Variants in RYR2 observed in about 807,000 individuals in gnomAD.
RYR2 encodes cardiac muscle ryanodine receptor-calcium release channel.
RYR2 carries 227 observed loss-of-function variants against 601.1 expected under a neutral mutation model. The ratio of observed to expected loss-of-function variants is 0.38; its 90% CI spans 0.34 to 0.42. RYR2 has a LOEUF of 0.42. Ranked by LOEUF, RYR2 falls within the 10% of genes least tolerant of loss-of-function variation. The pLI, the probability that RYR2 is intolerant of heterozygous loss-of-function variation, is 1.00. For synonymous variants in RYR2, 2,223 were observed against 2,175.1 expected, an observed-to-expected ratio of 1.02 and a Z score of -0.61; for missense variants, 4,646 against 6,156.5, an observed-to-expected ratio of 0.75 and a Z score of 8.21.
At chr1:237,801,735 C>T (rs2790346) in intron 97 of RYR2, 121 bp from the exon 98 acceptor site, 2 of 532,362 alleles carry the variant, frequency 3.8e-6, no homozygotes, top group South Asian at 6.7e-5. Context: ...GGATAGAACT[C>T]GTTTCCCAAG....
intron 25 of RYR2, among the ~76,000 whole-genome samples, chr1:237,541,698 T>G (rs572677547): frequency 3.6e-4 from 54 of 152,094 alleles, no homozygotes; most frequent in African/African-American, 1.2e-3. Flanking sequence ...ATAAGGGTGG[T>G]GCCATTTTAT....
At chr1:237,442,579 C>A (rs1465166796) in intron 13 of RYR2, among the ~76,000 whole-genome samples, 2 of 152,104 alleles carry the variant, frequency 1.3e-5, no homozygotes, top group African/African-American at 4.8e-5. Context: ...AATATCTTTT[C>A]TAGTTGATTA....
At chr1:237,084,130 G>A (rs887685101) in intron 1 of RYR2, among the ~76,000 whole-genome samples, 2 of 152,050 alleles carry the variant, frequency 1.3e-5, no homozygotes, top group Non-Finnish European at 2.9e-5. Context: ...TCTCCTCTTT[G>A]AAGATCTAAT....
chr1:237,655,485 T>C (rs1361107625), intron 52 of RYR2, among the ~76,000 whole-genome samples: 1 of 152,204 alleles, frequency 6.6e-6, no homozygotes, highest in East Asian at 1.9e-4. Flanking sequence ...TAACTAACTA[T>C]AAGGAATGTA....
chr1:237,814,955 TTTC>T (rs1239564735), intron 100 of RYR2, among the ~76,000 whole-genome samples: 1 of 138,810 alleles, frequency 7.2e-6, no homozygotes, highest in Non-Finnish European at 1.5e-5. Flanking sequence ...CTGCTCCTTT[TTTC>T]TTTTTTCTTT....
chr1:237,111,478 C>G (rs1330583959), intron 1 of RYR2, among the ~76,000 whole-genome samples: 3 of 151,612 alleles, frequency 2.0e-5, no homozygotes, highest in African/African-American at 7.3e-5. Context: ...GTCCCAGCTA[C>G]TCAGGAGACT....
intron 23 of RYR2, among the ~76,000 whole-genome samples, chr1:237,510,365 G>A (rs545926525): frequency 1.3e-5 from 2 of 152,292 alleles, no homozygotes; most frequent in African/African-American, 4.8e-5. Context: ...TAGAGACAAA[G>A]TGGAGATGAC....
chr1:237,301,977 A>G (rs1169458774), intron 2 of RYR2, among the ~76,000 whole-genome samples: 3 of 152,170 alleles, frequency 2.0e-5, no homozygotes, highest in African/African-American at 7.2e-5. Context: ...ATAATTGTGT[A>G]ATTGTTGCTA....
At chr1:237,597,267 TGTGAG>T (rs1372147130) in intron 34 of RYR2, among the ~76,000 whole-genome samples, 1 of 151,320 alleles carries the variant, frequency 6.6e-6, no homozygotes, top group East Asian at 1.9e-4. Flanking sequence ...AAATATAAAT[TGTGAG>T]GGGAGGGTAA....
chr1:237,656,759 C>A (rs1481658444), intron 53 of RYR2, among the ~76,000 whole-genome samples: 1 of 152,162 alleles, frequency 6.6e-6, no homozygotes, highest in African/African-American at 2.4e-5. Flanking sequence ...TGGCCCCCAG[C>A]TGATTTAGCT....
chr1:237,696,624 C>G (rs1206668828), intron 63 of RYR2, among the ~76,000 whole-genome samples: 1 of 150,666 alleles, frequency 6.6e-6, no homozygotes, highest in Non-Finnish European at 1.5e-5. Context: ...ATGTGCAAAG[C>G]AAGGGTCAGG....
chr1:237,596,518 A>C (rs1281393162), intron 34 of RYR2, among the ~76,000 whole-genome samples: 1 of 152,152 alleles, frequency 6.6e-6, no homozygotes, highest in East Asian at 1.9e-4. Context: ...AAAAGAAATA[A>C]AAATAAGAAA....
intron 1 of RYR2, among the ~76,000 whole-genome samples, chr1:237,050,292 G>A (rs1324471494): frequency 6.6e-6 from 1 of 152,166 alleles, no homozygotes; most frequent in Non-Finnish European, 1.5e-5. Flanking sequence ...AGAAGAAAGC[G>A]AGTGGAACAG....
intron 17 of RYR2, among the ~76,000 whole-genome samples, chr1:237,469,950 A>C (rs1660521735): frequency 6.6e-6 from 1 of 152,222 alleles, no homozygotes; most frequent in Non-Finnish European, 1.5e-5. Flanking sequence ...CCAGTATTAA[A>C]TCAGTTATTT....
At chr1:237,224,356 C>T (rs1356017712) in intron 1 of RYR2, among the ~76,000 whole-genome samples, 1 of 152,110 alleles carries the variant, frequency 6.6e-6, no homozygotes, top group Non-Finnish European at 1.5e-5. Flanking sequence ...GCAAGGTTTC[C>T]AGGCAACAGT....
intron 2 of RYR2, among the ~76,000 whole-genome samples, chr1:237,306,134 A>G (rs1262115731): frequency 4.6e-5 from 7 of 152,220 alleles, no homozygotes; most frequent in Non-Finnish European, 1.0e-4. Context: ...GAAGAGAAAG[A>G]AAATACTTAC....
chr1:237,490,833 T>A (rs557531444), intron 17 of RYR2, among the ~76,000 whole-genome samples: 1 of 152,366 alleles, frequency 6.6e-6, no homozygotes, highest in South Asian at 2.1e-4. Flanking sequence ...GATACCTTTG[T>A]AAATGTAAAA....
chr1:237,557,916 C>A (rs1671068061), intron 27 of RYR2, among the ~76,000 whole-genome samples: 1 of 152,070 alleles, frequency 6.6e-6, no homozygotes, highest in South Asian at 2.1e-4. Context: ...TGAGACAACT[C>A]AACACATATA....
intron 58 of RYR2, among the ~76,000 whole-genome samples, chr1:237,669,509 A>AC (rs1212386532): frequency 0.024 from 2,984 of 123,828 alleles, 115 homozygotes; most frequent in African/African-American, 0.079. Flanking sequence ...CGGGGGGCTG[A>AC]CCCCCCCCAC....
Sources: gnomAD v4.1 joint callset for allele counts (sites outside exome capture counted in the v4.1 genomes callset) on GRCh38, gnomAD v4.1.1 for gene constraint, MANE v1.5 for transcripts, NCBI Gene and HGNC (gene_info 2026-07-23, HGNC 2026-07-21) for gene names.